FILIP1L: variants seen among roughly 807,000 people sequenced by gnomAD.
FILIP1L encodes the protein filamin A interacting protein 1 like, also known as filamin A-interacting protein 1-like.
Under a neutral mutation model 96.6 loss-of-function variants are expected in FILIP1L, and 55 were observed. That is an observed-to-expected ratio of 0.57 (90% CI 0.46 to 0.71). The LOEUF (loss-of-function observed/expected upper bound fraction) is 0.71. Ranked by LOEUF, FILIP1L falls within the 30% of genes least tolerant of loss-of-function variation. The pLI is 0.00. For missense variants in FILIP1L, 1,304 were observed against 1,321.2 expected (o/e 0.99, Z 0.20); for synonymous variants, 467 against 473.9 (o/e 0.99, Z 0.19).
chr3:99,923,657 C>T (rs1466439606), intron 4 of FILIP1L, among the ~76,000 whole-genome samples: 1 of 152,184 alleles, frequency 6.6e-6, no homozygotes, highest in Non-Finnish European at 1.5e-5. Context: ...TTCCTGCGCC[C>T]AGTCTAAAGC....
At chr3:100,020,968 A>G (rs551181635) in intron 1 of FILIP1L, among the ~76,000 whole-genome samples, 38 of 152,216 alleles carry the variant, frequency 2.5e-4, no homozygotes, top group African/African-American at 9.1e-4. Flanking sequence ...GGGTTTCACC[A>G]TGTTGGCCAG....
intron 4 of FILIP1L, among the ~76,000 whole-genome samples, chr3:99,854,512 T>G (rs978218119): frequency 2.0e-5 from 3 of 152,200 alleles, no homozygotes; most frequent in Non-Finnish European, 4.4e-5. Flanking sequence ...TTCCAGTTTA[T>G]GTGCCTTTAT....
chr3:99,919,287 C>T (rs916769223), intron 4 of FILIP1L, among the ~76,000 whole-genome samples: 1 of 151,586 alleles, frequency 6.6e-6, no homozygotes, highest in African/African-American at 2.4e-5. Flanking sequence ...TTCTACCCGT[C>T]ATGAACTCAT....
At chr3:99,840,297 C>T (rs748718222) in intron 5 of FILIP1L, among the ~76,000 whole-genome samples, 4 of 131,022 alleles carry the variant, frequency 3.1e-5, no homozygotes, top group Non-Finnish European at 6.1e-5. Flanking sequence ...GATCTCAGAT[C>T]ACTGCAACCT....
intron 1 of FILIP1L, among the ~76,000 whole-genome samples, chr3:100,037,981 A>C (rs1267754288): frequency 6.7e-6 from 1 of 148,164 alleles, no homozygotes; most frequent in Non-Finnish European, 1.5e-5. Context: ...CAGAGTCTCA[A>C]ATCTCGCTCT....
At chr3:99,933,459 A>G (rs970408384) in intron 1 of FILIP1L, among the ~76,000 whole-genome samples, 2 of 152,164 alleles carry the variant, frequency 1.3e-5, no homozygotes, top group African/African-American at 4.8e-5. Context: ...GTGTATATCT[A>G]TTTATTTATA....
At chr3:100,065,314 A>C (rs1246279410) in intron 1 of FILIP1L, among the ~76,000 whole-genome samples, 2 of 152,182 alleles carry the variant, frequency 1.3e-5, no homozygotes, top group African/African-American at 4.8e-5. Flanking sequence ...CCATTGCTCT[A>C]AATTGCAATT....
At chr3:100,112,078 A>G (rs190455163) in intron 1 of FILIP1L, among the ~76,000 whole-genome samples, 3 of 152,348 alleles carry the variant, frequency 2.0e-5, no homozygotes, top group Non-Finnish European at 2.9e-5. Context: ...GAATGAACAA[A>G]TGAGCAAACA....
At chr3:99,837,680 C>T (rs1050833893) in intron 5 of FILIP1L, among the ~76,000 whole-genome samples, 1 of 152,204 alleles carries the variant, frequency 6.6e-6, no homozygotes, top group African/African-American at 2.4e-5. Flanking sequence ...AACACTTCTC[C>T]TTCTGACCTG....
At chr3:99,965,883 G>C (rs1048895452) in intron 1 of FILIP1L, among the ~76,000 whole-genome samples, 4 of 152,136 alleles carry the variant, frequency 2.6e-5, no homozygotes, top group African/African-American at 9.7e-5. Context: ...ATGTTGTCCA[G>C]CCTGCCGCCA....
chr3:99,850,105 T>G lies in FILIP1L; in HGVS notation c.1571A>C (p.Gln524Pro). 6.2e-7 allele frequency: 1 copy of G among 1,613,196 alleles called. No homozygotes were observed. Among genetic ancestry groups the G allele is most frequent in the Non-Finnish European group, 8.5e-7 (1 of 1,179,852 alleles). Residue 524 changes from glutamine to proline, a missense_variant, in exon 5 of 6, where the codon CAG (glutamine) becomes CCG (proline). Gln to Pro is a moderately conservative substitution (Grantham distance 76, BLOSUM62 -1). Coordinates refer to ENST00000477258, the MANE Select transcript of FILIP1L (RefSeq NM_001387850.1). ...TEDKLQAASS[Q>P]LQVEQNKVTT... ...TACTTTATTTTGCTCCACTTGAAGCTGAGAAGAAGCAGCTTGTAATTTATC... is the reference window on the plus strand; with the variant it reads ...TACTTTATTTTGCTCCACTTGAAGCGGAGAAGAAGCAGCTTGTAATTTATC...
chr3:99,985,493 G>C (rs926496585), intron 1 of FILIP1L, among the ~76,000 whole-genome samples: 2 of 151,998 alleles, frequency 1.3e-5, no homozygotes, highest in Non-Finnish European at 2.9e-5. Context: ...GCAAGACCCT[G>C]TCTCAAAAAA....
intron 1 of FILIP1L, among the ~76,000 whole-genome samples, chr3:99,954,344 C>T (rs1708259578): frequency 6.6e-6 from 1 of 152,152 alleles, no homozygotes; most frequent in African/African-American, 2.4e-5. Context: ...ACACTTTGGG[C>T]CAGTATCTCA....
intron 1 of FILIP1L, among the ~76,000 whole-genome samples, chr3:99,970,532 TC>T (rs2107716161): frequency 6.6e-6 from 1 of 152,388 alleles, no homozygotes. Flanking sequence ...CAGAACACTT[TC>T]TCTACATTTT....
chr3:99,924,557 T>C (rs1707229570), intron 3 of FILIP1L, 149 bp from the exon 4 acceptor site: 1 of 783,074 alleles, frequency 1.3e-6, no homozygotes, highest in South Asian at 1.7e-5. Context: ...TCGCTGTCGT[T>C]GCCCAGGCTG....
chr3:99,858,349 C>CA (rs1944075578), intron 4 of FILIP1L, among the ~76,000 whole-genome samples: 1 of 151,954 alleles, frequency 6.6e-6, no homozygotes, highest in African/African-American at 2.4e-5. Flanking sequence ...CCTGTGGTCC[C>CA]AGCTACTTGG....
At chr3:100,031,003 G>A (rs2065013040) in intron 1 of FILIP1L, among the ~76,000 whole-genome samples, 1 of 152,150 alleles carries the variant, frequency 6.6e-6, no homozygotes, top group Non-Finnish European at 1.5e-5. Context: ...GATAATATCT[G>A]TGTGAATATA....
intron 1 of FILIP1L, among the ~76,000 whole-genome samples, chr3:100,002,784 C>T (rs1709880513): frequency 6.6e-6 from 1 of 152,174 alleles, no homozygotes; most frequent in African/African-American, 2.4e-5. Flanking sequence ...GACCAGGTGG[C>T]TTGATCTCTA....
intron 1 of FILIP1L, among the ~76,000 whole-genome samples, chr3:100,101,061 A>G (rs1156530884): frequency 1.3e-5 from 2 of 152,110 alleles, no homozygotes; most frequent in Non-Finnish European, 2.9e-5. Flanking sequence ...TACCTTGACC[A>G]CTTTTGTACC....
Sources: allele counts gnomAD v4.1 joint callset (sites outside exome capture counted in the v4.1 genomes callset), GRCh38; gene constraint gnomAD v4.1.1; transcripts MANE v1.5; gene names NCBI Gene and HGNC (gene_info 2026-07-23, HGNC 2026-07-21).